DROSHA: variants seen among roughly 807,000 people sequenced by gnomAD.
DROSHA encodes the protein drosha ribonuclease III.
In DROSHA, 56 loss-of-function variants were observed where a neutral mutation model predicts 181.9. The observed-to-expected ratio is 0.31, with a 90% confidence interval of 0.25 to 0.38. DROSHA has a LOEUF of 0.38. Ranked by LOEUF, DROSHA falls within the 10% of genes least tolerant of loss-of-function variation. The pLI is 1.00. For missense variants in DROSHA, 1,218 were observed against 1,743.5 expected (o/e 0.70, Z 5.37); for synonymous variants, 524 against 591.2 (o/e 0.89, Z 1.65).
chr5:31,529,104 C>A lies in DROSHA; in HGVS notation c.-45G>T. 1.9e-6 allele frequency: 3 copies of A among 1,605,670 alleles called. No individual in the cohort carries two copies. Among genetic ancestry groups the A allele is most frequent in the Non-Finnish European group, 2.6e-6 (3 of 1,176,186 alleles). Reference sequence around the variant, plus strand: ...TCACATCTTCCACAGAGAATATAAGCTCTAAAAAACAGAAAGAATAAAACA... The same window carrying A: ...TCACATCTTCCACAGAGAATATAAGATCTAAAAAACAGAAAGAATAAAACA... On this transcript the variant is annotated splice_region_variant and 5_prime_UTR_variant, in exon 4 of 36. Coordinates refer to ENST00000344624, the MANE Select transcript of DROSHA (RefSeq NM_001382508.1).
At position 31,511,047 on chromosome 5, in the gene DROSHA, C is replaced by G; in HGVS notation, c.1420G>C (p.Asp474His). ...GACTCTGACTCACCTAAATCTTCATCGAGCTTCGTCTTTGGAGGTTCCCAC... is the reference window on the plus strand; with the variant it reads ...GACTCTGACTCACCTAAATCTTCATGGAGCTTCGTCTTTGGAGGTTCCCAC... The part of the protein sequence containing the change: ...PPWEPPKTKL[D>H]EDLESSSESE... The change falls in exon 9 of 36, where the codon GAT becomes CAT. Residue 474 changes from aspartate to histidine, a missense_variant. This residue lies in a region of DROSHA where 460 missense variants were observed against 774.2 expected (regional missense o/e 0.59). Transcript: ENST00000344624. 1 of 1,613,914 alleles carries G rather than the reference C, an allele frequency of 6.2e-7. No homozygotes were observed. Among genetic ancestry groups the G allele is most frequent in the Non-Finnish European group, 8.5e-7 (1 of 1,179,844 alleles).
chr5:31,495,248 A>C, intron 12 of DROSHA, 38 bp downstream of exon 12: 1 of 1,588,278 alleles, frequency 6.3e-7, no homozygotes, highest in Non-Finnish European at 8.6e-7. Context: ...CTCTATTTAC[A>C]TTTTAAATGA....
chr5:31,425,148 C>T lies in DROSHA; in HGVS notation c.3217-677G>A, dbSNP rs558550030. Among the ~76,000 whole-genome samples, 5 of 151,986 alleles carry T rather than the reference C, an allele frequency of 3.3e-5. No individual in the cohort carries two copies. In the South Asian group the frequency reaches 1.0e-3, roughly 32 times the overall value. ...GCCTCTGACTGAATTTACTTCCCGA[C>T]CTTGATATTAGATTTCTGAAATAAA... On this transcript the variant is annotated intron_variant, in intron 27 of 35. Coordinates refer to ENST00000344624, the MANE Select transcript of DROSHA (RefSeq NM_001382508.1).
At chr5:31,421,468 A>T in intron 29 of DROSHA, 91 bp from the exon 30 acceptor site, 1 of 1,025,240 alleles carries the variant, frequency 9.8e-7, no homozygotes, top group Admixed American at 1.9e-5. Context: ...AATGACTTAA[A>T]AAGACAATGT....
At chr5:31,477,259 G>A (rs1750488692) in intron 16 of DROSHA, among the ~76,000 whole-genome samples, 1 of 152,106 alleles carries the variant, frequency 6.6e-6, no homozygotes, top group South Asian at 2.1e-4. Flanking sequence ...GGGGTAATTT[G>A]TTAGAGAATC....
intron 23 of DROSHA, among the ~76,000 whole-genome samples, chr5:31,441,736 G>A (rs1472756965): frequency 6.6e-6 from 1 of 152,148 alleles, no homozygotes; most frequent in Non-Finnish European, 1.5e-5. Flanking sequence ...TTAAGCTGCT[G>A]TCCTGGTAAG....
intron 20 of DROSHA, among the ~76,000 whole-genome samples, chr5:31,453,940 A>C (rs528240731): frequency 5.9e-5 from 9 of 152,218 alleles, no homozygotes; most frequent in African/African-American, 2.2e-4. Flanking sequence ...AAAAAAAAAA[A>C]AAACCCTCAA....
chr5:31,496,595 G>GAAA (rs1183000696), intron 11 of DROSHA, among the ~76,000 whole-genome samples: 4 of 152,130 alleles, frequency 2.6e-5, no homozygotes, highest in African/African-American at 9.7e-5. Context: ...CCCTTGATGG[G>GAAA]GACGTTCATG....
chr5:31,405,009 A>G (rs1407463637), intron 35 of DROSHA, among the ~76,000 whole-genome samples: 1 of 152,192 alleles, frequency 6.6e-6, no homozygotes, highest in African/African-American at 2.4e-5. Context: ...CCAAAACAAA[A>G]AACAGAAAAC....
intron 29 of DROSHA, 147 bp from the exon 30 acceptor site, chr5:31,421,524 C>A (rs1183450455): frequency 3.1e-6 from 2 of 645,436 alleles, no homozygotes; most frequent in Non-Finnish European, 5.4e-6. Flanking sequence ...TTCCCTAAGG[C>A]CCCTCGATTG....
At chr5:31,519,804 C>A (rs529482729) in intron 6 of DROSHA, among the ~76,000 whole-genome samples, 1 of 152,250 alleles carries the variant, frequency 6.6e-6, no homozygotes, top group South Asian at 2.1e-4. Context: ...CTGAGATAAC[C>A]CTACAGATTT....
intron 4 of DROSHA, 129 bp from the exon 5 acceptor site, chr5:31,527,041 A>G: frequency 6.4e-6 from 5 of 777,146 alleles, no homozygotes; most frequent in Non-Finnish European, 1.0e-5. Context: ...CCACTGGAAT[A>G]GGCCACCCAT....
chr5:31,517,566 T>C (rs185088371), intron 6 of DROSHA, among the ~76,000 whole-genome samples: 63 of 152,340 alleles, frequency 4.1e-4, no homozygotes, highest in African/African-American at 1.3e-3. Flanking sequence ...TTTACATATT[T>C]ATTAGATGTA....
At chr5:31,485,502 A>T (rs1175360663) in intron 14 of DROSHA, among the ~76,000 whole-genome samples, 1 of 152,142 alleles carries the variant, frequency 6.6e-6, no homozygotes, top group Non-Finnish European at 1.5e-5. Context: ...TGCAAGTGAG[A>T]CTTATCTCAT....
intron 13 of DROSHA, among the ~76,000 whole-genome samples, chr5:31,491,698 G>GGAA (rs1554040610): frequency 6.8e-6 from 1 of 146,474 alleles, no homozygotes; most frequent in East Asian, 2.0e-4. Flanking sequence ...TGTGACACTT[G>GGAA]AAAAAAAAAA....
intron 16 of DROSHA, 53 bp downstream of exon 16, chr5:31,483,501 C>T: frequency 6.4e-7 from 1 of 1,574,766 alleles, no homozygotes; most frequent in Non-Finnish European, 8.7e-7. Context: ...AAATGGCAAG[C>T]TTATTTTCAG....
chr5:31,479,983 T>C (rs1232993993), intron 16 of DROSHA, among the ~76,000 whole-genome samples: 1 of 151,778 alleles, frequency 6.6e-6, no homozygotes, highest in Non-Finnish European at 1.5e-5. Flanking sequence ...TTCTCACCAC[T>C]TGGCATTTAT....
At chr5:31,453,554 T>C (rs777580650) in intron 20 of DROSHA, among the ~76,000 whole-genome samples, 1 of 152,176 alleles carries the variant, frequency 6.6e-6, no homozygotes, top group Non-Finnish European at 1.5e-5. Flanking sequence ...GGAAGTTTTA[T>C]CCCTTTAATC....
chr5:31,417,317 A>ACAGGGAGC (rs770768845), intron 30 of DROSHA, among the ~76,000 whole-genome samples: 2 of 152,198 alleles, frequency 1.3e-5, no homozygotes, highest in Non-Finnish European at 2.9e-5. Context: ...AAAAACAGAG[A>ACAGGGAGC]CAGGGAGCCA....
Sources: allele counts gnomAD v4.1 joint callset (sites outside exome capture counted in the v4.1 genomes callset), GRCh38; gene constraint gnomAD v4.1.1; regional missense constraint gnomAD v4.1.1; transcripts MANE v1.5; gene names NCBI Gene and HGNC (gene_info 2026-07-23, HGNC 2026-07-21).